Variants in CCDC178 observed in about 807,000 individuals in gnomAD.
CCDC178 encodes the protein coiled-coil domain containing 178.
CCDC178 carries 126 observed loss-of-function variants against 117.4 expected under a neutral mutation model. That is an observed-to-expected ratio of 1.07 (90% CI 0.93 to 1.24). CCDC178 has a LOEUF of 1.24. CCDC178 is among the 50% of genes most tolerant of loss of function. CCDC178 has a pLI of 0.00. For synonymous variants in CCDC178, 283 were observed against 313.4 expected (o/e 0.90, Z 1.02); for missense variants, 1,030 against 986.9 (o/e 1.04, Z -0.59).
intron 22 of CCDC178, among the ~76,000 whole-genome samples, chr18:32,973,485 C>A (rs1414737394): frequency 2.0e-5 from 3 of 151,960 alleles, no homozygotes; most frequent in Non-Finnish European, 2.9e-5. Flanking sequence ...ATGTTTTAAG[C>A]ACTGCCTTTC....
chr18:33,321,592 G>C (rs1049007365), intron 11 of CCDC178, among the ~76,000 whole-genome samples: 1 of 151,896 alleles, frequency 6.6e-6, no homozygotes, highest in African/African-American at 2.4e-5. Flanking sequence ...TTGTCAGCAG[G>C]ATAACAGTAT....
intron 20 of CCDC178, among the ~76,000 whole-genome samples, chr18:33,121,123 T>C (rs2057930966): frequency 6.6e-6 from 1 of 152,154 alleles, no homozygotes; most frequent in South Asian, 2.1e-4. Context: ...ATTTTGCAGA[T>C]TTGATTAAAT....
chr18:33,318,609 T>C (rs2062455072), intron 11 of CCDC178, among the ~76,000 whole-genome samples: 1 of 152,100 alleles, frequency 6.6e-6, no homozygotes, highest in Non-Finnish European at 1.5e-5. Context: ...AGGAAATTGT[T>C]TGAAAAGATT....
chr18:33,095,019 T>C (rs1249118189), intron 20 of CCDC178, among the ~76,000 whole-genome samples: 1 of 152,066 alleles, frequency 6.6e-6, no homozygotes, highest in African/African-American at 2.4e-5. Context: ...CTTTGACTTG[T>C]TTAACTTTAA....
chr18:33,309,927 T>C (rs1011902605), intron 11 of CCDC178, among the ~76,000 whole-genome samples: 1 of 151,292 alleles, frequency 6.6e-6, no homozygotes, highest in African/African-American at 2.4e-5. Flanking sequence ...TTTTTTTTTC[T>C]TTTTTCTTTT....
intron 14 of CCDC178, among the ~76,000 whole-genome samples, chr18:33,245,845 A>G (rs1416270852): frequency 6.6e-6 from 1 of 151,972 alleles, no homozygotes; most frequent in Non-Finnish European, 1.5e-5. Context: ...CTTCGATATT[A>G]TTAACATTTG....
At chr18:33,358,290 A>C (rs1012242983) in intron 6 of CCDC178, among the ~76,000 whole-genome samples, 1 of 152,004 alleles carries the variant, frequency 6.6e-6, no homozygotes, top group South Asian at 2.1e-4. Flanking sequence ...TTTTTCATAT[A>C]ATATGACAAG....
intron 21 of CCDC178, among the ~76,000 whole-genome samples, chr18:33,088,020 G>T (rs423390): frequency 6.6e-6 from 1 of 151,894 alleles, no homozygotes. Context: ...CCTAGGCAAG[G>T]TAGGTTAAAT....
intron 21 of CCDC178, among the ~76,000 whole-genome samples, chr18:33,078,203 C>T (rs2057240988): frequency 6.6e-6 from 1 of 152,110 alleles, no homozygotes; most frequent in African/African-American, 2.4e-5. Context: ...TCTATAGATG[C>T]AGTAAAGGCT....
At chr18:33,431,158 G>T (rs1183267283) in intron 2 of CCDC178, among the ~76,000 whole-genome samples, 1 of 143,544 alleles carries the variant, frequency 7.0e-6, no homozygotes, top group Non-Finnish European at 1.5e-5. Flanking sequence ...CCAAAAGAAT[G>T]AAGTCTACAT....
At chr18:33,147,173 A>G (rs2058278213) in intron 20 of CCDC178, among the ~76,000 whole-genome samples, 2 of 148,850 alleles carry the variant, frequency 1.3e-5, no homozygotes, top group African/African-American at 5.0e-5. Flanking sequence ...AAGGAACAGA[A>G]ATTTATTTCT....
chr18:33,262,645 C>A (rs927934749), intron 14 of CCDC178, among the ~76,000 whole-genome samples: 2 of 152,112 alleles, frequency 1.3e-5, no homozygotes, highest in Non-Finnish European at 2.9e-5. Context: ...CAAACACACA[C>A]ATACACACCC....
rs1490243141 is a variant in CCDC178, at chr18:33,348,925, G to A, written c.422C>T (p.Thr141Ile). 2 of 1,610,458 alleles carry A rather than the reference G, an allele frequency of 1.2e-6. No homozygotes were observed. The highest frequency in any genetic ancestry group is 1.1e-5 in the South Asian group (1 of 90,810). ...KDLKEDWSVTTPVKEVKPGEK... is the reference protein window; with the variant it reads ...KDLKEDWSVTIPVKEVKPGEK... ...TCCTGGTTTGACCTCTTTCACTGGT[G>A]TAGTTACACTCCAATCTTCTTTCAG... The change falls in exon 8 of 23, where the codon ACA becomes ATA. Residue 141 changes from threonine (T) to isoleucine (I), a missense_variant. Transcript: ENST00000383096.
At chr18:33,095,234 T>C (rs538728535) in intron 20 of CCDC178, among the ~76,000 whole-genome samples, 20 of 152,040 alleles carry the variant, frequency 1.3e-4, no homozygotes, top group Admixed American at 7.9e-4. Context: ...TATTGTTTTT[T>C]ACTCAATTCC....
chr18:33,038,149 G>A (rs2056479867), intron 21 of CCDC178, among the ~76,000 whole-genome samples: 1 of 151,824 alleles, frequency 6.6e-6, no homozygotes, highest in Non-Finnish European at 1.5e-5. Context: ...AACTACTATA[G>A]ACATTTTGTT....
chr18:33,286,875 G>A (rs1170777427), intron 12 of CCDC178, among the ~76,000 whole-genome samples: 1 of 151,982 alleles, frequency 6.6e-6, no homozygotes, highest in African/African-American at 2.4e-5. Context: ...ACTAAAAATT[G>A]CACATCATAA....
intron 2 of CCDC178, among the ~76,000 whole-genome samples, chr18:33,428,825 A>G (rs1375072442): frequency 6.7e-6 from 1 of 150,156 alleles, no homozygotes; most frequent in South Asian, 2.1e-4. Flanking sequence ...GGTGAAAAAA[A>G]GTAAAAAAAA....
intron 11 of CCDC178, among the ~76,000 whole-genome samples, chr18:33,303,491 T>C (rs905878116): frequency 6.6e-6 from 1 of 152,044 alleles, no homozygotes; most frequent in Non-Finnish European, 1.5e-5. Flanking sequence ...ACTATGATCT[T>C]TGGGTGATAA....
chr18:33,325,448 T>C (rs1035775468), intron 10 of CCDC178, among the ~76,000 whole-genome samples: 1 of 152,028 alleles, frequency 6.6e-6, no homozygotes, highest in Non-Finnish European at 1.5e-5. Flanking sequence ...AAATATGTAT[T>C]TATTGGTAAC....
Sources: allele counts gnomAD v4.1 joint callset (sites outside exome capture counted in the v4.1 genomes callset), GRCh38; gene constraint gnomAD v4.1.1; transcripts MANE v1.5; gene names NCBI Gene and HGNC (gene_info 2026-07-23, HGNC 2026-07-21).